The following DGKB variants were observed in gnomAD, a reference collection of about 807,000 sequenced individuals.
DGKB encodes 90 kDa diacylglycerol kinase.
Under a neutral mutation model 114.3 loss-of-function variants are expected in DGKB, and 67 were observed. The ratio of observed to expected loss-of-function variants is 0.59; its 90% CI spans 0.48 to 0.72. DGKB has a LOEUF of 0.72. Among genes scored for constraint, DGKB ranks in the 30% least tolerant of loss-of-function variants. DGKB has a pLI of 0.00. For missense variants in DGKB, 907 were observed against 975.2 expected (o/e 0.93, Z 0.93); for synonymous variants, 398 against 323.1 (o/e 1.23, Z -2.49).
chr7:14,504,914 T>C (rs1786786813), intron 20 of DGKB, among the ~76,000 whole-genome samples: 1 of 152,194 alleles, frequency 6.6e-6, no homozygotes, highest in Non-Finnish European at 1.5e-5. Context: ...GTAATTTTGT[T>C]AATTCGATAG....
At chr7:14,331,472 G>A (rs1248556374) in intron 23 of DGKB, among the ~76,000 whole-genome samples, 6 of 151,890 alleles carry the variant, frequency 4.0e-5, no homozygotes, top group Non-Finnish European at 5.9e-5. Context: ...TTAAAACACT[G>A]CTTTCTAAAT....
chr7:14,650,159 A>C (rs1278568095), intron 13 of DGKB, among the ~76,000 whole-genome samples: 1 of 139,874 alleles, frequency 7.1e-6, no homozygotes, highest in Admixed American at 7.2e-5. Flanking sequence ...ATAGACATCT[A>C]CAGAACTCTC....
chr7:14,819,159 T>C (rs1239520059), intron 2 of DGKB, among the ~76,000 whole-genome samples: 3 of 152,134 alleles, frequency 2.0e-5, no homozygotes, highest in Non-Finnish European at 4.4e-5. Context: ...CTTCCATTCA[T>C]CTAATACATA....
At chr7:14,328,457 G>A (rs1331586039) in intron 23 of DGKB, among the ~76,000 whole-genome samples, 8 of 151,850 alleles carry the variant, frequency 5.3e-5, no homozygotes, top group Non-Finnish European at 1.2e-4. Flanking sequence ...TAGAAAGTAC[G>A]TAATAGACCT....
intron 20 of DGKB, among the ~76,000 whole-genome samples, chr7:14,486,355 C>T (rs1783806614): frequency 6.6e-6 from 1 of 152,194 alleles, no homozygotes; most frequent in East Asian, 1.9e-4. Flanking sequence ...ACCAAAAAGT[C>T]TGTGGGAAAC....
At chr7:14,592,389 G>A (rs534393028) in intron 17 of DGKB, among the ~76,000 whole-genome samples, 28 of 151,992 alleles carry the variant, frequency 1.8e-4, no homozygotes, top group African/African-American at 5.1e-4. Flanking sequence ...GAGACAGAAA[G>A]AAGCATACTT....
intron 23 of DGKB, among the ~76,000 whole-genome samples, chr7:14,308,588 C>T (rs1242470301): frequency 6.6e-6 from 1 of 152,002 alleles, no homozygotes; most frequent in Non-Finnish European, 1.5e-5. Context: ...TGGGGATATG[C>T]AATTAGTTAC....
At chr7:14,267,965 T>C (rs908098935) in intron 23 of DGKB, among the ~76,000 whole-genome samples, 8 of 152,088 alleles carry the variant, frequency 5.3e-5, no homozygotes, top group African/African-American at 1.9e-4. Context: ...CCAAATACCA[T>C]AAAATTACTC....
intron 20 of DGKB, among the ~76,000 whole-genome samples, chr7:14,491,521 T>C (rs1784596660): frequency 1.3e-5 from 2 of 152,132 alleles, no homozygotes; most frequent in African/African-American, 4.8e-5. Context: ...ATTCACTTGA[T>C]GTTAATTTTC....
intron 23 of DGKB, among the ~76,000 whole-genome samples, chr7:14,200,888 A>G (rs775731283): frequency 1.3e-5 from 2 of 152,012 alleles, no homozygotes; most frequent in Non-Finnish European, 2.9e-5. Context: ...GGTAATGAAG[A>G]TTCAGTCATG....
At chr7:14,709,058 C>G (rs1404566396) in intron 6 of DGKB, among the ~76,000 whole-genome samples, 2 of 142,352 alleles carry the variant, frequency 1.4e-5, no homozygotes, top group Non-Finnish European at 3.1e-5. Flanking sequence ...ATTTTCGCAA[C>G]CTACTCATCT....
intron 23 of DGKB, among the ~76,000 whole-genome samples, chr7:14,294,323 C>A (rs1417579180): frequency 6.6e-6 from 1 of 152,112 alleles, no homozygotes; most frequent in Non-Finnish European, 1.5e-5. Context: ...TTCATAGATT[C>A]TGAAGATTAG....
At chr7:14,865,824 A>G (rs111350957) in intron 1 of DGKB, among the ~76,000 whole-genome samples, 6 of 152,310 alleles carry the variant, frequency 3.9e-5, no homozygotes, top group African/African-American at 1.2e-4. Flanking sequence ...TTAAGCTAAA[A>G]TGAGAGAGGT....
intron 10 of DGKB, among the ~76,000 whole-genome samples, chr7:14,683,198 G>T (rs1039891531): frequency 2.0e-5 from 3 of 152,138 alleles, no homozygotes; most frequent in East Asian, 3.9e-4. Flanking sequence ...AGAAGGAAGA[G>T]ATCTATATTT....
At chr7:14,676,680 C>T (rs1370606853) in intron 12 of DGKB, among the ~76,000 whole-genome samples, 1 of 151,942 alleles carries the variant, frequency 6.6e-6, no homozygotes, top group Admixed American at 6.6e-5. Flanking sequence ...CAGCTGGGTC[C>T]TTCTCAGTGT....
intron 21 of DGKB, among the ~76,000 whole-genome samples, chr7:14,427,633 T>A (rs1827777907): frequency 6.6e-6 from 1 of 152,114 alleles, no homozygotes; most frequent in South Asian, 2.1e-4. Context: ...TGGGGAGGAC[T>A]CACAATCATG....
intron 1 of DGKB, among the ~76,000 whole-genome samples, chr7:14,863,798 A>G (rs1254874987): frequency 6.6e-6 from 1 of 152,060 alleles, no homozygotes; most frequent in Non-Finnish European, 1.5e-5. Flanking sequence ...AAATTAAAAA[A>G]AAATTAACTT....
chr7:14,931,815 T>A (rs1258267793), intron 1 of DGKB, among the ~76,000 whole-genome samples: 1 of 152,094 alleles, frequency 6.6e-6, no homozygotes, highest in African/African-American at 2.4e-5. Flanking sequence ...GGAGCAACTC[T>A]TCAACTGTTC....
Position 14,294,407 on chromosome 7 carries a change from A to G in DGKB, c.2122+44108T>C, listed in dbSNP as rs79544018. ...ATTCCTTAGAGAGTCAAAGATGACT[A>G]TCCACTATCCCTAACTTCACCAAGC... On this transcript the variant is annotated intron_variant, in intron 23 of 25. Coordinates refer to ENST00000402815, the MANE Select transcript of DGKB (RefSeq NM_001350709.2). Among the ~76,000 whole-genome samples the G allele has an allele frequency of 8.4e-4, 128 of 152,252 alleles. No individual in the cohort carries two copies. In the East Asian group the frequency reaches 0.022, roughly 26 times the overall value.
Sources: allele counts gnomAD v4.1 joint callset (sites outside exome capture counted in the v4.1 genomes callset), GRCh38; gene constraint gnomAD v4.1.1; transcripts MANE v1.5; gene names NCBI Gene and HGNC (gene_info 2026-07-23, HGNC 2026-07-21).